The following ACSM3 variants were observed in gnomAD, a reference collection of about 807,000 sequenced individuals.
The protein encoded by ACSM3 is acyl-CoA synthetase medium chain family member 3.
A neutral mutation model predicts 74.1 loss-of-function variants in ACSM3; 61 were observed. That is an observed-to-expected ratio of 0.82 (90% CI 0.67 to 1.02). The LOEUF is 1.02. Ranked by LOEUF, ACSM3 falls within the 50% of genes least tolerant of loss-of-function variation. The probability of loss-of-function intolerance (pLI) is 0.00; values close to 1 mark genes in which losing one functional copy is unlikely to be tolerated. For missense variants in ACSM3, 660 were observed against 697.0 expected (o/e 0.95, Z 0.60); for synonymous variants, 213 against 241.5 (o/e 0.88, Z 1.09).
intron 4 of ACSM3, among the ~76,000 whole-genome samples, chr16:20,778,909 C>A (rs767440405): frequency 6.6e-6 from 1 of 152,174 alleles, no homozygotes; most frequent in Admixed American, 6.5e-5. Context: ...TGCCACTATG[C>A]CCACCTAATC....
intron 1 of ACSM3, among the ~76,000 whole-genome samples, chr16:20,708,099 G>C (rs1318112198): frequency 3.3e-5 from 5 of 152,174 alleles, no homozygotes; most frequent in Non-Finnish European, 5.9e-5. Flanking sequence ...TTAGGAGTTC[G>C]AGACCAAGCT....
chr16:20,738,116 T>A, intron 1 of ACSM3: 1 of 742,794 alleles, frequency 1.3e-6, no homozygotes. Context: ...CAGTATTTCT[T>A]CAGTGCCTAA....
At chr16:20,738,193 C>T (rs1179724822) in intron 1 of ACSM3, 2 of 552,018 alleles carry the variant, frequency 3.6e-6, no homozygotes, top group Non-Finnish European at 6.8e-6. Flanking sequence ...CTAGAAATGA[C>T]TGTTTAGGTA....
chr16:20,690,931 T>C, intron 1 of ACSM3: 2 of 1,504,366 alleles, frequency 1.3e-6, no homozygotes, highest in South Asian at 2.5e-5. Flanking sequence ...TTCAGCCTAG[T>C]AGGAGCAAGA....
intron 1 of ACSM3, among the ~76,000 whole-genome samples, chr16:20,706,622 G>A (rs779806039): frequency 4.6e-5 from 7 of 152,206 alleles, no homozygotes; most frequent in African/African-American, 7.2e-5. Flanking sequence ...CCTAACCCCA[G>A]ATTTGGAAAT....
At chr16:20,773,813 GAGA>G (rs1475387699) in intron 2 of ACSM3, among the ~76,000 whole-genome samples, 3 of 152,208 alleles carry the variant, frequency 2.0e-5, no homozygotes, top group Non-Finnish European at 4.4e-5. Flanking sequence ...ATGTGCTGAT[GAGA>G]AGAAGAATGT....
At chr16:20,698,030 T>C (rs2079699298) in intron 1 of ACSM3, among the ~76,000 whole-genome samples, 1 of 151,594 alleles carries the variant, frequency 6.6e-6, no homozygotes, top group East Asian at 1.9e-4. Flanking sequence ...CCGTCTCTAC[T>C]AAAAATACAA....
intron 1 of ACSM3, chr16:20,729,453 G>T (rs546636196): frequency 8.1e-6 from 6 of 741,458 alleles, no homozygotes; most frequent in African/African-American, 3.5e-5. Flanking sequence ...TTCCTTTTCA[G>T]GTACCGTATT....
At chr16:20,789,450 G>T (rs748789951) in intron 9 of ACSM3, 2 of 1,521,110 alleles carry the variant, frequency 1.3e-6, no homozygotes, top group Non-Finnish European at 1.8e-6. Context: ...TGGAGAGAGG[G>T]TAAGAGAGCA....
chr16:20,778,391 C>T (rs561664874), intron 4 of ACSM3, among the ~76,000 whole-genome samples: 1 of 152,284 alleles, frequency 6.6e-6, no homozygotes, highest in Admixed American at 6.5e-5. Flanking sequence ...TTTCCTACCA[C>T]ATTTAAAATT....
intron 1 of ACSM3, among the ~76,000 whole-genome samples, chr16:20,717,960 GAA>G (rs2079769599): frequency 1.6e-5 from 1 of 63,806 alleles, no homozygotes; most frequent in East Asian, 5.1e-4. Context: ...GGAAGAGGAA[GAA>G]GAAGAAGAAG....
intron 1 of ACSM3, chr16:20,685,466 T>A: frequency 6.9e-7 from 1 of 1,444,482 alleles, no homozygotes; most frequent in Non-Finnish European, 9.7e-7. Flanking sequence ...CTTAGTAAAC[T>A]AATCCACAGC....
chr16:20,738,181 C>A, intron 1 of ACSM3: 1 of 576,046 alleles, frequency 1.7e-6, no homozygotes, highest in Admixed American at 2.3e-5. Context: ...TTACTGCTTG[C>A]ACTAGAAATG....
intron 1 of ACSM3, chr16:20,718,384 G>A: frequency 1.0e-6 from 1 of 955,976 alleles, no homozygotes; most frequent in Non-Finnish European, 1.4e-6. Context: ...TGTGGAAACA[G>A]GAAGTCAAGA....
intron 1 of ACSM3, chr16:20,728,469 T>G: frequency 7.9e-7 from 1 of 1,262,670 alleles, no homozygotes; most frequent in Non-Finnish European, 1.1e-6. Context: ...ACAGCCCTTC[T>G]GTTTCTTCTC....
At chr16:20,741,481 G>GGGGGGGGGGGGGCCCCCCC (rs1596494029) in intron 1 of ACSM3, 3 of 1,308,406 alleles carry the variant, frequency 2.3e-6, no homozygotes, top group Non-Finnish European at 3.0e-6. Flanking sequence ...CTGGCAGCCG[G>GGGGGGGGGGGGGCCCCCCC]CCCGCCCGCC....
chr16:20,796,363 A>C lies in ACSM3; in HGVS notation c.1555-7A>C. On this transcript the variant is annotated splice_region_variant and splice_polypyrimidine_tract_variant and intron_variant, in intron 12 of 13. Transcript: ENST00000289416. The stretch of plus-strand genomic sequence containing the variant: ...CATTTTCCTGGTGTTTCAAATATTT[A>C]TTTTAGGTAGTAAAGGCTTTTGTCG... 2.5e-6 allele frequency: 4 copies of C among 1,605,028 alleles called. No individual in the cohort carries two copies. Among genetic ancestry groups the C allele is most frequent in the Non-Finnish European group, 3.4e-6 (4 of 1,177,728 alleles).
At chr16:20,674,715 T>TG (rs888759432) in exon 1 of ACSM3, 5 of 152,016 alleles carry the variant, frequency 3.3e-5, no homozygotes, top group Non-Finnish European at 4.4e-5. Flanking sequence ...AGGCATGCCA[T>TG]GGGGGAGTTT....
At chr16:20,687,475 G>T (rs1229686806) in intron 1 of ACSM3, among the ~76,000 whole-genome samples, 1 of 152,134 alleles carries the variant, frequency 6.6e-6, no homozygotes, top group East Asian at 1.9e-4. Flanking sequence ...ATTAGTGAAG[G>T]TCTACCCCTG....
Sources: allele counts gnomAD v4.1 joint callset (sites outside exome capture counted in the v4.1 genomes callset), GRCh38; gene constraint gnomAD v4.1.1; transcripts MANE v1.5; gene names NCBI Gene and HGNC (gene_info 2026-07-23, HGNC 2026-07-21).